RBFOX3: variants seen among roughly 807,000 people sequenced by gnomAD.
RBFOX3 encodes RNA binding protein fox-1 homolog 3.
RBFOX3 carries 17 observed loss-of-function variants against 48.7 expected under a neutral mutation model. The observed-to-expected ratio is 0.35, with a 90% CI of 0.24 to 0.52. The LOEUF is 0.52. Among genes scored for constraint, RBFOX3 ranks in the 20% least tolerant of loss-of-function variants. The pLI, the probability that RBFOX3 is intolerant of heterozygous loss-of-function variation, is 0.94. For synonymous variants in RBFOX3, 212 were observed against 209.5 expected (o/e 1.01, Z -0.10); for missense variants, 382 against 497.5 (o/e 0.77, Z 2.21).
chr17:79,344,797 C>A (rs2082636338), intron 2 of RBFOX3, among the ~76,000 whole-genome samples: 1 of 152,080 alleles, frequency 6.6e-6, no homozygotes, highest in Admixed American at 6.6e-5. Context: ...CTCAGGTGAT[C>A]CACCCACTTC....
At chr17:79,558,764 C>T (rs2091964528) in intron 1 of RBFOX3, among the ~76,000 whole-genome samples, 3 of 152,084 alleles carry the variant, frequency 2.0e-5, no homozygotes, top group Admixed American at 6.6e-5. Flanking sequence ...CGTGGGCCTG[C>T]GGGGAGCAGG....
intron 1 of RBFOX3, among the ~76,000 whole-genome samples, chr17:79,496,722 G>C (rs199606328): frequency 6.6e-6 from 1 of 152,112 alleles, no homozygotes; most frequent in East Asian, 1.9e-4. Context: ...TCCTAGAGAC[G>C]GCCCTTACCC....
In RBFOX3 at chr17:79,111,596, C is replaced by T. The variant is rs1278499356; in HGVS notation, c.222+3898G>A. On this transcript the variant is annotated intron_variant, in intron 5 of 14. Coordinates refer to ENST00000693108, the MANE Select transcript of RBFOX3 (RefSeq NM_001350451.2). This position sits in a 1 kb window ranked among gnomAD's most constrained non-coding sequence, Gnocchi z 4.2. ...GATTACAGGCACGAGCCACCATGCCCGATTAATTTTTGTATTTTTGTAGAG... is the reference window on the plus strand; with the variant it reads ...GATTACAGGCACGAGCCACCATGCCTGATTAATTTTTGTATTTTTGTAGAG... Among the ~76,000 whole-genome samples the T allele has an allele frequency of 2.0e-5, 3 of 152,194 alleles. No homozygotes were observed. The highest frequency in any genetic ancestry group is 4.4e-5 in the Non-Finnish European group (3 of 68,030).
At chr17:79,444,339 C>T (rs2071790803) in intron 2 of RBFOX3, among the ~76,000 whole-genome samples, 1 of 152,138 alleles carries the variant, frequency 6.6e-6, no homozygotes, top group Admixed American at 6.5e-5. Flanking sequence ...CTCAGGTCCA[C>T]TCTCAGGCAC....
chr17:79,167,145 G>A (rs1396965962), intron 4 of RBFOX3, among the ~76,000 whole-genome samples: 1 of 152,224 alleles, frequency 6.6e-6, no homozygotes, highest in Admixed American at 6.5e-5. Flanking sequence ...GAAATGGGAA[G>A]ATCGATCATA....
At chr17:79,642,841 T>C in the RBFOX3 span, among the ~76,000 whole-genome samples, 1 of 152,206 alleles carries the variant, frequency 6.6e-6, no homozygotes, top group Admixed American at 6.5e-5. Flanking sequence ...GGACTAAATC[T>C]TTCAGTTAAA....
chr17:79,317,138 C>A (rs1292400725), intron 2 of RBFOX3, among the ~76,000 whole-genome samples: 4 of 152,196 alleles, frequency 2.6e-5, no homozygotes, highest in Non-Finnish European at 5.9e-5. Flanking sequence ...CGGCCACCCC[C>A]CTCATTCAGA....
intron 3 of RBFOX3, among the ~76,000 whole-genome samples, chr17:79,238,943 G>A (rs980371023): frequency 1.6e-4 from 24 of 152,172 alleles, no homozygotes; most frequent in South Asian, 1.2e-3. Flanking sequence ...CTGGTTCTTC[G>A]GGCCAGGAGC....
intron 2 of RBFOX3, among the ~76,000 whole-genome samples, chr17:79,360,225 C>G (rs1598383776): frequency 6.6e-6 from 1 of 152,146 alleles, no homozygotes; most frequent in East Asian, 1.9e-4. Context: ...GCTTCCCACC[C>G]TTACAACGAT....
At chr17:79,527,720 G>A (rs976128728) in intron 1 of RBFOX3, among the ~76,000 whole-genome samples, 29 of 152,292 alleles carry the variant, frequency 1.9e-4, no homozygotes, top group Admixed American at 1.6e-3. Context: ...GAGGGGATGC[G>A]GTACAGGCAG....
In RBFOX3 at chr17:79,473,531, T is replaced by C. The variant is rs1311188279; in HGVS notation, c.-175+8923A>G. On this transcript the variant is annotated intron_variant, in intron 2 of 14. Coordinates refer to ENST00000693108, the MANE Select transcript of RBFOX3 (RefSeq NM_001350451.2). This position sits in a 1 kb window ranked among gnomAD's most constrained non-coding sequence, Gnocchi z 4.2. ...GTTCTGGACACTCCAGGCACACAGATGCCTCCCACAAGAAGTTGTGTTACG... is the reference window on the plus strand; with the variant it reads ...GTTCTGGACACTCCAGGCACACAGACGCCTCCCACAAGAAGTTGTGTTACG... Among the ~76,000 whole-genome samples the C allele has an allele frequency of 1.3e-5, 2 of 152,226 alleles. No individual in the cohort carries two copies. Among genetic ancestry groups the C allele is most frequent in the African/African-American group, 4.8e-5 (2 of 41,474 alleles).
chr17:79,470,685 G>A (rs1214630162), intron 2 of RBFOX3, among the ~76,000 whole-genome samples: 1 of 142,920 alleles, frequency 7.0e-6, no homozygotes, highest in Non-Finnish European at 1.5e-5. Flanking sequence ...ATCCGTTCTA[G>A]CCAAAGTGTC....
intron 3 of RBFOX3, among the ~76,000 whole-genome samples, chr17:79,280,185 T>C (rs1007540526): frequency 1.4e-5 from 2 of 146,810 alleles, no homozygotes; most frequent in Non-Finnish European, 3.0e-5. Context: ...CACACACACA[T>C]GCACACTTAT....
chr17:79,326,174 G>GGGATGGGGGT (rs2079290372), intron 2 of RBFOX3, among the ~76,000 whole-genome samples: 2 of 152,176 alleles, frequency 1.3e-5, no homozygotes, highest in African/African-American at 2.4e-5. Flanking sequence ...CAGGAGGCCG[G>GGGATGGGGGT]GGATGGGGGT....
chr17:79,349,862 GC>G (rs2083563719), intron 2 of RBFOX3, among the ~76,000 whole-genome samples: 1 of 151,522 alleles, frequency 6.6e-6, no homozygotes, highest in South Asian at 2.1e-4. Context: ...GGTTCCCTGA[GC>G]CCCCCGGGGC....
rs1053076293 is a variant in RBFOX3 at position 79,151,948 on chromosome 17, G to C, written c.-33-36200C>G. ...GGAGGGGACCTACAGAGGGAGGCGCGGATGGGAGGTGCAGGGGGAGCTCCC... is the reference window on the plus strand; with the variant it reads ...GGAGGGGACCTACAGAGGGAGGCGCCGATGGGAGGTGCAGGGGGAGCTCCC... On this transcript the variant is annotated intron_variant, in intron 4 of 14. Coordinates refer to ENST00000693108, the MANE Select transcript of RBFOX3 (RefSeq NM_001350451.2). Among the ~76,000 whole-genome samples, 2 of 125,310 alleles carry C rather than the reference G, an allele frequency of 1.6e-5. 1 individual carries two copies. The highest frequency in any genetic ancestry group is 5.7e-5 in the African/African-American group (2 of 34,818). 82.2% of individuals were successfully genotyped at this position (125,310 alleles called of 152,430 possible). A position where few individuals can be genotyped will look rare whatever the true frequency, so the allele number is the denominator to read the frequency against.
At chr17:79,101,044 G>C (rs1409908472) in intron 9 of RBFOX3, among the ~76,000 whole-genome samples, 1 of 152,044 alleles carries the variant, frequency 6.6e-6, no homozygotes, top group Non-Finnish European at 1.5e-5. Flanking sequence ...TCCTCATGGT[G>C]CTTAAAGGTG....
At position 79,378,626 on chromosome 17, in the gene RBFOX3, C is replaced by G. The variant is rs972591653; in HGVS notation, c.-174-70802G>C. Among the ~76,000 whole-genome samples the G allele has an allele frequency of 3.9e-5, 6 of 152,004 alleles. No homozygotes were observed. In the East Asian group the frequency reaches 1.2e-3, roughly 29 times the overall value. On this transcript the variant is annotated intron_variant, in intron 2 of 14. Coordinates refer to ENST00000693108, the MANE Select transcript of RBFOX3 (RefSeq NM_001350451.2). ...CCAGGTGCTGGGGCTGTGTGGGGGG[C>G]CCGGAAAAAGAAACCTCCTCTCGCT...
At position 79,390,407 on chromosome 17, in the gene RBFOX3, T is replaced by C. The variant is rs1209841755; in HGVS notation, c.-174-82583A>G. 6.6e-6 allele frequency among the ~76,000 whole-genome samples: 1 copy of C among 151,994 alleles called. No individual in the cohort carries two copies. The highest frequency in any genetic ancestry group is 1.9e-4 in the East Asian group (1 of 5,186). On this transcript the variant is annotated intron_variant, in intron 2 of 14. Coordinates refer to ENST00000693108, the MANE Select transcript of RBFOX3 (RefSeq NM_001350451.2). The surrounding 1 kb of genome is among the most constrained non-coding windows in gnomAD (Gnocchi z 4.2). ...CCAGCTCATTCGGGGCTCAGCCCCATCTGCCCACTTTGGTGCTGGAAAATG... is the reference window on the plus strand; with the variant it reads ...CCAGCTCATTCGGGGCTCAGCCCCACCTGCCCACTTTGGTGCTGGAAAATG...
Sources: allele counts gnomAD v4.1 joint callset (sites outside exome capture counted in the v4.1 genomes callset), GRCh38; gene constraint gnomAD v4.1.1; non-coding constraint Gnocchi (gnomAD v3.1); transcripts MANE v1.5; gene names NCBI Gene and HGNC (gene_info 2026-07-23, HGNC 2026-07-21).